The following KLHL2 variants were observed in gnomAD, a reference collection of about 807,000 sequenced individuals.
The protein encoded by KLHL2 is kelch-like protein 2.
KLHL2 carries 15 observed loss-of-function variants against 75.8 expected under a neutral mutation model. The observed-to-expected ratio is 0.20, with a 90% CI of 0.13 to 0.30. KLHL2 has a LOEUF of 0.30. KLHL2 is among the 10% of genes least tolerant of loss of function. The pLI is 1.00. For synonymous variants in KLHL2, 214 were observed against 251.9 expected, an observed-to-expected ratio of 0.85 and a Z score of 1.42; for missense variants, 381 against 741.0, an observed-to-expected ratio of 0.51 and a Z score of 5.64.
At chr4:165,279,629 T>C in intron 5 of KLHL2, 1 of 1,611,464 alleles carries the variant, frequency 6.2e-7, no homozygotes. Context: ...CAAAACTGCC[T>C]TCTTTGAGGC....
rs1355871017 is a variant in KLHL2 at position 165,322,090 on chromosome 4, C to A, written c.*30C>A. 1 of 1,594,554 alleles carries A rather than the reference C, an allele frequency of 6.3e-7. No individual in the cohort carries two copies. Among genetic ancestry groups the A allele is most frequent in the South Asian group, 1.1e-5 (1 of 90,700 alleles). On this transcript the variant is annotated 3_prime_UTR_variant, in exon 15 of 15. Coordinates refer to ENST00000226725, the MANE Select transcript of KLHL2 (RefSeq NM_007246.4). ...GAAGGACATTTTCAGCATATTTATA[C>A]ATGAGAAACAGCCTTCAACAAGTAT...
chr4:165,310,053 G>A lies in KLHL2; in HGVS notation c.1040-500G>A, dbSNP rs117045966. ...TTGCATTTTTTAATAACCTTAGAAA[G>A]AAGGCCAGGTGCAGTGGCTCACGCT... On this transcript the variant is annotated intron_variant, in intron 9 of 14. Transcript: ENST00000226725. 2.2e-3 allele frequency among the ~76,000 whole-genome samples: 340 copies of A among 152,262 alleles called. 8 individuals are homozygous for A. The East Asian group carries it at 0.05, about 22-fold the overall frequency.
At chr4:165,252,234 T>C (rs1158122126) in intron 4 of KLHL2, among the ~76,000 whole-genome samples, 1 of 151,996 alleles carries the variant, frequency 6.6e-6, no homozygotes, top group Non-Finnish European at 1.5e-5. Flanking sequence ...TGGATTTTTT[T>C]TTTCTTGTTT....
intron 8 of KLHL2, among the ~76,000 whole-genome samples, chr4:165,302,614 T>C (rs1015638037): frequency 1.3e-5 from 2 of 152,182 alleles, no homozygotes; most frequent in African/African-American, 4.8e-5. Flanking sequence ...ATTGTGTGTG[T>C]TTTGCTTCTT....
intron 14 of KLHL2, 84 bp from the exon 15 acceptor site, chr4:165,321,948 A>C: frequency 8.4e-7 from 1 of 1,188,144 alleles, no homozygotes. Flanking sequence ...CTGCCTTCGT[A>C]TTATAATGAA....
At chr4:165,321,250 C>CT (rs1746956313) in intron 14 of KLHL2, 2 of 455,782 alleles carry the variant, frequency 4.4e-6, no homozygotes, top group Non-Finnish European at 8.8e-6. Flanking sequence ...TCCTCCACCT[C>CT]TTCTGCCTCT....
intron 4 of KLHL2, among the ~76,000 whole-genome samples, chr4:165,252,084 G>A (rs1398152333): frequency 6.6e-6 from 1 of 152,076 alleles, no homozygotes; most frequent in Non-Finnish European, 1.5e-5. Context: ...TACATAAAAG[G>A]CATTTATCTT....
chr4:165,312,391 C>A (rs1579185732), intron 11 of KLHL2, among the ~76,000 whole-genome samples: 1 of 151,852 alleles, frequency 6.6e-6, no homozygotes, highest in South Asian at 2.1e-4. Flanking sequence ...TGTCTCCCAA[C>A]AGAAGTTAAG....
At chr4:165,259,166 G>C (rs1033988624) in intron 4 of KLHL2, among the ~76,000 whole-genome samples, 1 of 151,428 alleles carries the variant, frequency 6.6e-6, no homozygotes, top group African/African-American at 2.4e-5. Flanking sequence ...ACAGTGGTCC[G>C]ATCTTGGCTC....
At chr4:165,286,971 T>C (rs1026609043) in intron 5 of KLHL2, among the ~76,000 whole-genome samples, 4 of 152,220 alleles carry the variant, frequency 2.6e-5, no homozygotes, top group Non-Finnish European at 4.4e-5. Context: ...TGTTTTCAAA[T>C]GGTTATAAAC....
chr4:165,304,701 C>A (rs990837163), intron 8 of KLHL2, among the ~76,000 whole-genome samples: 3 of 152,194 alleles, frequency 2.0e-5, no homozygotes, highest in Non-Finnish European at 4.4e-5. Context: ...CACTAAATTA[C>A]GGCAGCTTTT....
At chr4:165,236,088 C>T (rs576298731) in intron 3 of KLHL2, among the ~76,000 whole-genome samples, 26 of 152,076 alleles carry the variant, frequency 1.7e-4, no homozygotes, top group African/African-American at 6.3e-4. Flanking sequence ...ATAGGATCCC[C>T]AATGGTGAGA....
In KLHL2 at chr4:165,319,374, A is replaced by G. The variant is rs1258936333; in HGVS notation, c.1753+1405A>G. The stretch of plus-strand genomic sequence containing the variant: ...GGTGATGGTGCTAGGAAGTGCTTCA[A>G]CGAAGCAGAGAAGAGTCATGACATT... On this transcript the variant is annotated intron_variant, in intron 14 of 14. Coordinates refer to ENST00000226725, the MANE Select transcript of KLHL2 (RefSeq NM_007246.4). The surrounding 1 kb of genome is among the most constrained non-coding windows in gnomAD (Gnocchi z 4.5). Among the ~76,000 whole-genome samples, 3 of 152,224 alleles carry G rather than the reference A, an allele frequency of 2.0e-5. No homozygotes were observed. Among genetic ancestry groups the G allele is most frequent in the African/African-American group, 7.2e-5 (3 of 41,454 alleles).
Position 165,276,344 on chromosome 4 carries a change from T to A in KLHL2, c.544+12985T>A, listed in dbSNP as rs556156201. Among the ~76,000 whole-genome samples the A allele has an allele frequency of 5.3e-5, 8 of 152,286 alleles. No individual in the cohort carries two copies. The South Asian group carries it at 1.5e-3, about 28-fold the overall frequency. On this transcript the variant is annotated intron_variant, in intron 5 of 14. Coordinates refer to ENST00000226725, the MANE Select transcript of KLHL2 (RefSeq NM_007246.4). ...CAAACTTTTTTATATGCGCAAGTAT[T>A]TTCATGTGTGTCCCCTCTGTCTTTG...
intron 3 of KLHL2, among the ~76,000 whole-genome samples, chr4:165,230,587 A>C (rs1379196958): frequency 1.3e-5 from 2 of 150,774 alleles, no homozygotes; most frequent in Admixed American, 6.6e-5. Context: ...TTTTTTGATA[A>C]ATGTTTTATT....
chr4:165,282,353 C>T lies in KLHL2; in HGVS notation c.545-12006C>T, dbSNP rs1416530677. ...TTCACTGAAACGGAAGAATTTTTCACTTTGGCTGTGTTGTGTTAGGCTTAT... is the reference window on the plus strand; with the variant it reads ...TTCACTGAAACGGAAGAATTTTTCATTTTGGCTGTGTTGTGTTAGGCTTAT... On this transcript the variant is annotated intron_variant, in intron 5 of 14. Coordinates refer to ENST00000226725, the MANE Select transcript of KLHL2 (RefSeq NM_007246.4). 4.6e-5 allele frequency among the ~76,000 whole-genome samples: 7 copies of T among 152,156 alleles called. No individual in the cohort carries two copies. The East Asian group carries it at 1.3e-3, about 29-fold the overall frequency.
chr4:165,234,456 CAT>C (rs1739163916), intron 3 of KLHL2, among the ~76,000 whole-genome samples: 1 of 151,836 alleles, frequency 6.6e-6, no homozygotes, highest in Non-Finnish European at 1.5e-5. Context: ...AAATTAGAAT[CAT>C]AGAATTTTTA....
At chr4:165,287,922 G>C (rs944910032) in intron 5 of KLHL2, among the ~76,000 whole-genome samples, 1 of 152,102 alleles carries the variant, frequency 6.6e-6, no homozygotes, top group African/African-American at 2.4e-5. Context: ...TTAACTCTTT[G>C]TCAGATACAT....
chr4:165,242,985 A>C (rs1344458610), intron 4 of KLHL2, among the ~76,000 whole-genome samples: 1 of 152,234 alleles, frequency 6.6e-6, no homozygotes, highest in African/African-American at 2.4e-5. Flanking sequence ...GATTGAAGAA[A>C]TAGGCTTAAG....
Sources: gnomAD v4.1 joint callset for allele counts (sites outside exome capture counted in the v4.1 genomes callset) on GRCh38, gnomAD v4.1.1 for gene constraint, Gnocchi (gnomAD v3.1) non-coding constraint, MANE v1.5 for transcripts, NCBI Gene and HGNC (gene_info 2026-07-23, HGNC 2026-07-21) for gene names.